CAMK1D: variants seen among roughly 807,000 people sequenced by gnomAD.
The protein encoded by CAMK1D is calcium/calmodulin dependent protein kinase ID.
In CAMK1D, 9 loss-of-function variants were observed where a neutral mutation model predicts 47.7. The ratio of observed to expected loss-of-function variants is 0.19; its 90% CI spans 0.11 to 0.33. The LOEUF is 0.33. Ranked by LOEUF, CAMK1D falls within the 10% of genes least tolerant of loss-of-function variation. The pLI is 1.00. For synonymous variants in CAMK1D, 184 were observed against 184.9 expected (o/e 0.99, Z 0.04); for missense variants, 291 against 488.7 (o/e 0.60, Z 3.81).
At chr10:12,783,087 G>T (rs1025063495) in intron 5 of CAMK1D, among the ~76,000 whole-genome samples, 1 of 149,844 alleles carries the variant, frequency 6.7e-6, no homozygotes, top group African/African-American at 2.5e-5. Context: ...CCACCTCCTC[G>T]GTCCAAGCAG....
At chr10:12,664,046 A>G (rs1840354676) in intron 2 of CAMK1D, among the ~76,000 whole-genome samples, 2 of 152,148 alleles carry the variant, frequency 1.3e-5, no homozygotes, top group South Asian at 4.1e-4. Context: ...AACATTACTC[A>G]TTCCAGCTCA....
intron 1 of CAMK1D, among the ~76,000 whole-genome samples, chr10:12,510,421 A>AAAT (rs1554779978): frequency 3.0e-4 from 46 of 152,210 alleles, no homozygotes; most frequent in Admixed American, 9.2e-4. Flanking sequence ...GTCTAAAAAA[A>AAAT]AATAATAATA....
chr10:12,618,822 A>G (rs1262244774), intron 2 of CAMK1D, among the ~76,000 whole-genome samples: 2 of 152,228 alleles, frequency 1.3e-5, no homozygotes, highest in Non-Finnish European at 2.9e-5. Context: ...TTTATTTGTC[A>G]TATACCAATC....
chr10:12,641,552 G>A (rs998005440), intron 2 of CAMK1D, among the ~76,000 whole-genome samples: 4 of 151,756 alleles, frequency 2.6e-5, no homozygotes, highest in Non-Finnish European at 5.9e-5. Context: ...TGGGGAGGTC[G>A]AGGCTGCAGT....
intron 2 of CAMK1D, among the ~76,000 whole-genome samples, chr10:12,598,238 G>A (rs1564435969): frequency 6.6e-6 from 1 of 152,198 alleles, no homozygotes; most frequent in Non-Finnish European, 1.5e-5. Flanking sequence ...TTGCTTTTCT[G>A]TTATTCATGT....
chr10:12,783,643 T>G (rs1200140356), intron 5 of CAMK1D, among the ~76,000 whole-genome samples: 1 of 152,222 alleles, frequency 6.6e-6, no homozygotes, highest in African/African-American at 2.4e-5. Context: ...TTCAGTCCCC[T>G]TGGTTACGCC....
At chr10:12,473,510 G>A (rs559680033) in intron 1 of CAMK1D, among the ~76,000 whole-genome samples, 1 of 152,240 alleles carries the variant, frequency 6.6e-6, no homozygotes, top group African/African-American at 2.4e-5. Flanking sequence ...CTGGTATTTC[G>A]TAGATATTAA....
chr10:12,543,379 A>G (rs1836260562), intron 1 of CAMK1D, among the ~76,000 whole-genome samples: 1 of 152,144 alleles, frequency 6.6e-6, no homozygotes, highest in South Asian at 2.1e-4. Flanking sequence ...TTTAGGTTAA[A>G]TAGTAAAGGT....
At chr10:12,644,078 T>A (rs1213555383) in intron 2 of CAMK1D, among the ~76,000 whole-genome samples, 2 of 152,214 alleles carry the variant, frequency 1.3e-5, no homozygotes, top group Non-Finnish European at 2.9e-5. Context: ...TGTAATGTGC[T>A]GAAATCATCC....
chr10:12,605,867 G>A (rs923540160), intron 2 of CAMK1D, among the ~76,000 whole-genome samples: 8 of 152,206 alleles, frequency 5.3e-5, no homozygotes, highest in Non-Finnish European at 1.0e-4. Flanking sequence ...CTCTCCCCGG[G>A]GCCTGTGGAG....
At chr10:12,632,511 T>G (rs1160975853) in intron 2 of CAMK1D, among the ~76,000 whole-genome samples, 1 of 152,226 alleles carries the variant, frequency 6.6e-6, no homozygotes, top group East Asian at 1.9e-4. Flanking sequence ...GAATATGACC[T>G]TTCAGCATCA....
intron 1 of CAMK1D, among the ~76,000 whole-genome samples, chr10:12,531,919 C>T (rs1463647565): frequency 6.6e-6 from 1 of 152,196 alleles, no homozygotes; most frequent in Non-Finnish European, 1.5e-5. Context: ...GATTTTCTGT[C>T]TCTAATTACA....
rs71386105 is a variant in CAMK1D at position 12,611,588 on chromosome 10, CTT to C, written c.225-55128_225-55127del. Among the ~76,000 whole-genome samples the C allele has an allele frequency of 3.8e-4, 23 of 59,946 alleles. No homozygotes were observed. The Admixed American group carries it at 4.3e-3, about 11-fold the overall frequency. 39.3% of individuals were successfully genotyped at this position (59,946 alleles called of 152,430 possible). ...CAGTTCCCTGAATGTTTCAGAATGCCTTTTTTTTTTTTTTTTTTTTTGAGACA... is the reference window on the plus strand; with the variant it reads ...CAGTTCCCTGAATGTTTCAGAATGCCTTTTTTTTTTTTTTTTTTTGAGACA... On this transcript the variant is annotated intron_variant, in intron 2 of 10. Coordinates refer to ENST00000619168, the MANE Select transcript of CAMK1D (RefSeq NM_153498.4).
At chr10:12,489,982 G>A (rs1443913149) in intron 1 of CAMK1D, among the ~76,000 whole-genome samples, 1 of 152,236 alleles carries the variant, frequency 6.6e-6, no homozygotes, top group East Asian at 1.9e-4. Context: ...GGAGCGTGGG[G>A]CAGGTGTGAA....
chr10:12,484,896 A>G (rs747821213), intron 1 of CAMK1D, among the ~76,000 whole-genome samples: 24 of 151,900 alleles, frequency 1.6e-4, no homozygotes, highest in Non-Finnish European at 2.8e-4. Context: ...AAGCAGGGGT[A>G]CCTCATGGTG....
intron 1 of CAMK1D, among the ~76,000 whole-genome samples, chr10:12,523,907 A>G (rs143989794): frequency 0.07 from 10,645 of 151,616 alleles, 448 homozygotes; most frequent in East Asian, 0.16. Flanking sequence ...TTATTTATTT[A>G]TTTATTTTTT....
intron 2 of CAMK1D, among the ~76,000 whole-genome samples, chr10:12,613,383 G>T (rs1246399108): frequency 6.6e-6 from 1 of 152,192 alleles, no homozygotes; most frequent in Admixed American, 6.5e-5. Flanking sequence ...AAAAAAATAG[G>T]CCAGTGTTAT....
At chr10:12,488,778 T>C (rs898718578) in intron 1 of CAMK1D, among the ~76,000 whole-genome samples, 2 of 152,182 alleles carry the variant, frequency 1.3e-5, no homozygotes, top group East Asian at 3.9e-4. Context: ...GCGTGCGCAG[T>C]TCACAATAGG....
chr10:12,599,068 A>G (rs1476946527), intron 2 of CAMK1D, among the ~76,000 whole-genome samples: 1 of 152,186 alleles, frequency 6.6e-6, no homozygotes, highest in Non-Finnish European at 1.5e-5. Flanking sequence ...GAAAGGCCTT[A>G]GGTGTTTCTG....
Sources: gnomAD v4.1 joint callset for allele counts (sites outside exome capture counted in the v4.1 genomes callset) on GRCh38, gnomAD v4.1.1 for gene constraint, MANE v1.5 for transcripts, NCBI Gene and HGNC (gene_info 2026-07-23, HGNC 2026-07-21) for gene names.